The following PDE4D variants were observed in gnomAD, a reference collection of about 807,000 sequenced individuals.
PDE4D encodes 3',5'-cyclic-AMP phosphodiesterase 4D.
Under a neutral mutation model 87.4 loss-of-function variants are expected in PDE4D, and 24 were observed. That is an observed-to-expected ratio of 0.27 (90% CI 0.20 to 0.39). The LOEUF (loss-of-function observed/expected upper bound fraction) is 0.39. Ranked by LOEUF, PDE4D falls within the 10% of genes least tolerant of loss-of-function variation. The pLI is 1.00. For missense variants in PDE4D, 714 were observed against 1,041.0 expected (o/e 0.69, Z 4.32); for synonymous variants, 384 against 383.2 (o/e 1.00, Z -0.02).
At chr5:59,311,147 G>C (rs970262933) in intron 1 of PDE4D, among the ~76,000 whole-genome samples, 7 of 152,038 alleles carry the variant, frequency 4.6e-5, no homozygotes, top group Non-Finnish European at 7.4e-5. Flanking sequence ...AGTGGTACCT[G>C]GTAATCACTG....
intron 1 of PDE4D, among the ~76,000 whole-genome samples, chr5:59,711,177 A>G (rs1045512131): frequency 6.6e-6 from 1 of 152,130 alleles, no homozygotes; most frequent in African/African-American, 2.4e-5. Flanking sequence ...CAATCTGCCT[A>G]TGTCTTCAGA....
At chr5:59,709,920 G>C (rs1275079468) in intron 1 of PDE4D, among the ~76,000 whole-genome samples, 1 of 152,128 alleles carries the variant, frequency 6.6e-6, no homozygotes. Context: ...AGGAAAATCT[G>C]GGGGAAAAGA....
intron 1 of PDE4D, among the ~76,000 whole-genome samples, chr5:59,661,676 G>GA (rs765278651): frequency 1.6e-4 from 25 of 152,108 alleles, no homozygotes; most frequent in African/African-American, 5.3e-4. Context: ...ACAGATTCTA[G>GA]AAAAAATCAC....
At chr5:59,789,089 G>A (rs1417025656) in intron 1 of PDE4D, among the ~76,000 whole-genome samples, 2 of 152,144 alleles carry the variant, frequency 1.3e-5, no homozygotes, top group African/African-American at 4.8e-5. Context: ...GCGTTTTATA[G>A]GAACAGAGAT....
At chr5:59,695,171 C>T (rs1238309610) in intron 1 of PDE4D, among the ~76,000 whole-genome samples, 6 of 151,054 alleles carry the variant, frequency 4.0e-5, no homozygotes, top group East Asian at 1.9e-4. Flanking sequence ...CCCAAACATC[C>T]GGGCTTCAAT....
intron 3 of PDE4D, among the ~76,000 whole-genome samples, chr5:59,934,263 G>A (rs991301925): frequency 6.6e-6 from 1 of 152,158 alleles, no homozygotes; most frequent in Non-Finnish European, 1.5e-5. Context: ...CAAAAGAGGG[G>A]AAATTACTGC....
At position 58,973,765 on chromosome 5, in the gene PDE4D, G is replaced by GAAAC. The variant is rs1743058565; in HGVS notation, c.*895_*898dup. ...GCAACTCTGCTTATCTGGAAAGAGT[G>GAAAC]AAACAAAATGCAAAGTAAATAATAA... is the stretch of plus-strand genomic sequence containing the variant. On this transcript the variant is annotated 3_prime_UTR_variant, in exon 15 of 15. Transcript: ENST00000340635. 3 of 151,078 alleles carry GAAAC rather than the reference G, an allele frequency of 2.0e-5. No homozygotes were observed. The highest frequency in any genetic ancestry group is 6.7e-5 in the Admixed American group (1 of 14,958). 9.4% of individuals were successfully genotyped at this position (151,078 alleles called of 1,614,324 possible).
chr5:59,366,887 A>G (rs1339712229), intron 1 of PDE4D, among the ~76,000 whole-genome samples: 2 of 152,222 alleles, frequency 1.3e-5, no homozygotes, highest in Admixed American at 1.3e-4. Context: ...AGGTCAGATG[A>G]CATTACAAGA....
intron 1 of PDE4D, among the ~76,000 whole-genome samples, chr5:60,444,550 C>A (rs528804674): frequency 6.6e-6 from 1 of 152,154 alleles, no homozygotes; most frequent in South Asian, 2.1e-4. Context: ...GGGGATCAGA[C>A]AAAGTTTCAT....
chr5:59,041,455 C>T (rs1759671689), intron 5 of PDE4D, among the ~76,000 whole-genome samples: 1 of 152,000 alleles, frequency 6.6e-6, no homozygotes, highest in Non-Finnish European at 1.5e-5. Flanking sequence ...TTGATATTTT[C>T]CTCTCTCTCT....
intron 1 of PDE4D, among the ~76,000 whole-genome samples, chr5:59,641,145 G>A (rs540639549): frequency 6.6e-6 from 1 of 152,184 alleles, no homozygotes; most frequent in African/African-American, 2.4e-5. Flanking sequence ...TTATAACTGT[G>A]ACAGAAGAAA....
intron 1 of PDE4D, among the ~76,000 whole-genome samples, chr5:60,336,432 A>C (rs1757755439): frequency 6.6e-6 from 1 of 152,140 alleles, no homozygotes. Context: ...TAAGGGTAGA[A>C]CCCTAGTGTG....
intron 11 of PDE4D, among the ~76,000 whole-genome samples, chr5:58,983,851 G>C (rs1745797332): frequency 6.6e-6 from 1 of 152,122 alleles, no homozygotes; most frequent in South Asian, 2.1e-4. Flanking sequence ...TTAGTAAATG[G>C]GCCAGAGTAA....
intron 1 of PDE4D, among the ~76,000 whole-genome samples, chr5:59,259,280 C>T (rs1761539526): frequency 6.6e-6 from 1 of 151,780 alleles, no homozygotes; most frequent in Non-Finnish European, 1.5e-5. Context: ...GCTTTTCCCC[C>T]TTGTCCAAAA....
chr5:59,287,754 C>CAG (rs982699476), intron 1 of PDE4D, among the ~76,000 whole-genome samples: 3 of 151,940 alleles, frequency 2.0e-5, no homozygotes, highest in African/African-American at 7.3e-5. Context: ...GACAGACAGA[C>CAG]AGACTGAGAC....
At chr5:59,515,527 C>A (rs114541494) in intron 1 of PDE4D, among the ~76,000 whole-genome samples, 1 of 152,038 alleles carries the variant, frequency 6.6e-6, no homozygotes, top group African/African-American at 2.4e-5. Flanking sequence ...ACAGATGATA[C>A]GATTGTCTAC....
At chr5:59,767,176 G>A (rs995042170) in intron 1 of PDE4D, among the ~76,000 whole-genome samples, 5 of 151,356 alleles carry the variant, frequency 3.3e-5, no homozygotes, top group African/African-American at 9.7e-5. Context: ...CATTGCTAAC[G>A]TACATACTGT....
chr5:59,668,254 G>A (rs1244950376), intron 1 of PDE4D, among the ~76,000 whole-genome samples: 1 of 152,150 alleles, frequency 6.6e-6, no homozygotes, highest in Non-Finnish European at 1.5e-5. Context: ...TAAATGAGAT[G>A]AATATGTAAA....
At chr5:59,425,910 TTG>T (rs1795135671) in intron 1 of PDE4D, among the ~76,000 whole-genome samples, 23 of 152,166 alleles carry the variant, frequency 1.5e-4, no homozygotes, top group Admixed American at 1.2e-3. Flanking sequence ...ACCCCAAAAT[TTG>T]TATGCTGAAG....
Sources: gnomAD v4.1 joint callset for allele counts (sites outside exome capture counted in the v4.1 genomes callset) on GRCh38, gnomAD v4.1.1 for gene constraint, MANE v1.5 for transcripts, NCBI Gene and HGNC (gene_info 2026-07-23, HGNC 2026-07-21) for gene names.